Variants in ANKRD17 observed in about 807,000 individuals in gnomAD.
ANKRD17 encodes the protein ankyrin repeat domain-containing protein 17.
ANKRD17 carries 19 observed loss-of-function variants against 229.7 expected under a neutral mutation model. The ratio of observed to expected loss-of-function variants is 0.08; its 90% CI spans 0.06 to 0.12. The LOEUF (loss-of-function observed/expected upper bound fraction) is 0.12. Ranked by LOEUF, ANKRD17 falls within the 10% of genes least tolerant of loss-of-function variation. The pLI, the probability that ANKRD17 is intolerant of heterozygous loss-of-function variation, is 1.00. For synonymous variants in ANKRD17, 1,112 were observed against 1,146.1 expected, an observed-to-expected ratio of 0.97 and a Z score of 0.60; for missense variants, 2,176 against 3,176.8, an observed-to-expected ratio of 0.68 and a Z score of 7.57.
At chr4:73,224,170 G>A (rs72663018) in intron 1 of ANKRD17, among the ~76,000 whole-genome samples, 9 of 152,256 alleles carry the variant, frequency 5.9e-5, no homozygotes, top group Non-Finnish European at 1.0e-4. Context: ...TGAGAATCAC[G>A]TGAACCCGGG....
intron 19 of ANKRD17, 126 bp from the exon 20 acceptor site, chr4:73,121,220 T>C: frequency 1.1e-6 from 1 of 872,056 alleles, no homozygotes; most frequent in Admixed American, 2.1e-5. Flanking sequence ...TCCATTTTTC[T>C]CAACCTTAGT....
chr4:73,099,592 G>A (rs1289944871), intron 25 of ANKRD17, among the ~76,000 whole-genome samples: 1 of 152,210 alleles, frequency 6.6e-6, no homozygotes, highest in Non-Finnish European at 1.5e-5. Flanking sequence ...AGGGGCCCAA[G>A]CCCCATCTCA....
At chr4:73,145,191 T>C (rs1446019410) in intron 10 of ANKRD17, among the ~76,000 whole-genome samples, 3 of 152,190 alleles carry the variant, frequency 2.0e-5, no homozygotes, top group Non-Finnish European at 4.4e-5. Context: ...TACTCTAGCA[T>C]GGCCTTCTCC....
chr4:73,142,870 G>A, intron 11 of ANKRD17, 103 bp from the exon 12 acceptor site: 1 of 1,271,592 alleles, frequency 7.9e-7, no homozygotes, highest in African/African-American at 1.5e-5. Flanking sequence ...GTATTATGAG[G>A]CTCCACATAC....
intron 1 of ANKRD17, among the ~76,000 whole-genome samples, chr4:73,200,502 T>G (rs1738518525): frequency 6.6e-6 from 1 of 151,922 alleles, no homozygotes; most frequent in Non-Finnish European, 1.5e-5. Context: ...TTTTGGGGAG[T>G]GGCCTGGGCA....
intron 27 of ANKRD17, among the ~76,000 whole-genome samples, chr4:73,095,255 C>T (rs1457214410): frequency 2.0e-5 from 3 of 152,058 alleles, no homozygotes; most frequent in African/African-American, 7.2e-5. Context: ...TGAAAACTTT[C>T]TAAAAATCTT....
At position 73,258,708 on chromosome 4, in the gene ANKRD17, T is replaced by G. The variant is rs2149300978; in HGVS notation, c.-40A>C. On this transcript the variant is annotated 5_prime_UTR_variant, in exon 1 of 34. Transcript: ENST00000358602. ...GGAGGGCGCGGACGGGGGAGGGGCG[T>G]GGGGCTACGCTCTACCGCGACTTCG... The G allele has an allele frequency of 7.1e-7, 1 of 1,414,976 alleles. No individual in the cohort carries two copies. The highest frequency in any genetic ancestry group is 9.1e-7 in the Non-Finnish European group (1 of 1,097,222). 87.7% of individuals were successfully genotyped at this position (1,414,976 alleles called of 1,614,324 possible).
At chr4:73,166,773 AG>A (rs1385990076) in intron 2 of ANKRD17, among the ~76,000 whole-genome samples, 3 of 150,966 alleles carry the variant, frequency 2.0e-5, no homozygotes, top group African/African-American at 7.3e-5. Context: ...AAAAAAAAAG[AG>A]GAACTGTTAT....
rs140448764 is a variant in ANKRD17 at position 73,246,515 on chromosome 4, C to A, written c.393+11761G>T. Among the ~76,000 whole-genome samples, 573 of 152,138 alleles carry A rather than the reference C, an allele frequency of 3.8e-3. 3 individuals carry two copies. The highest frequency in any genetic ancestry group is 0.013 in the African/African-American group (544 of 41,488). The stretch of plus-strand genomic sequence containing the variant: ...TTAGGTGTTGGAAGAAAGGTTTGCA[C>A]AAATGGTAGGTGGCCAGAAGGGTGA... On this transcript the variant is annotated intron_variant, in intron 1 of 33. Transcript: ENST00000358602.
chr4:73,160,368 G>A lies in ANKRD17; in HGVS notation c.704+824C>T, dbSNP rs112855235. ...CGAGTAGCGGGGATTGCAGGCGTGC[G>A]CCACCACACCCGGCTAATTTTTGTG... On this transcript the variant is annotated intron_variant, in intron 3 of 33. Transcript: ENST00000358602. Among the ~76,000 whole-genome samples the A allele has an allele frequency of 1.9e-3, 293 of 152,126 alleles. 1 individual carries two copies. Among genetic ancestry groups the A allele is most frequent in the African/African-American group, 6.7e-3 (277 of 41,512 alleles).
chr4:73,126,960 A>G (rs1727557097), intron 16 of ANKRD17, among the ~76,000 whole-genome samples: 1 of 152,204 alleles, frequency 6.6e-6, no homozygotes, highest in Non-Finnish European at 1.5e-5. Flanking sequence ...TGGTTAGTGT[A>G]ACAGAGGAAC....
intron 1 of ANKRD17, among the ~76,000 whole-genome samples, chr4:73,244,801 T>C (rs1378741168): frequency 6.6e-6 from 1 of 152,172 alleles, no homozygotes; most frequent in Non-Finnish European, 1.5e-5. Flanking sequence ...CAAGGAAACA[T>C]CTCAGGCTGG....
At chr4:73,212,348 A>C (rs150685148) in intron 1 of ANKRD17, among the ~76,000 whole-genome samples, 389 of 152,314 alleles carry the variant, frequency 2.6e-3, no homozygotes, top group African/African-American at 9.1e-3. Flanking sequence ...CTGTCAACAT[A>C]ATTCAGCATT....
Position 73,202,373 on chromosome 4 carries a change from T to C in ANKRD17, c.394-24840A>G, listed in dbSNP as rs1036191879. ...GGCACAGAACTGAAGTCTTACTTAG[T>C]TCAGGAGAAAAAGATCAGAGTTTAG... On this transcript the variant is annotated intron_variant, in intron 1 of 33. Transcript: ENST00000358602. 2.2e-5 allele frequency among the ~76,000 whole-genome samples: 3 copies of C among 139,512 alleles called. No homozygotes were observed. In the East Asian group the frequency reaches 6.3e-4, roughly 29 times the overall value. 91.5% of individuals were successfully genotyped at this position (139,512 alleles called of 152,430 possible). A position where few individuals can be genotyped will look rare whatever the true frequency, so the allele number is the denominator to read the frequency against.
In ANKRD17 at chr4:73,085,382, A is replaced by G; in HGVS notation, c.7026T>C (p.Phe2342=). The G allele has an allele frequency of 6.2e-7, 1 of 1,614,182 alleles. No homozygotes were observed. The highest frequency in any genetic ancestry group is 8.5e-7 in the Non-Finnish European group (1 of 1,180,022). Residue 2342 remains phenylalanine, a synonymous_variant, in exon 30 of 34, where the codon TTT becomes TTC. Transcript: ENST00000358602. The part of the protein sequence containing the change: ...VTPSSTHLGN[F]ASNISGGQMY... ...TCTGACCTCCTGAAATGTTTGAAGC[A>G]AAGTTTCCCAAATGTGTTGAAGAAG...
chr4:73,197,050 C>A (rs183862641), intron 1 of ANKRD17, among the ~76,000 whole-genome samples: 1 of 152,150 alleles, frequency 6.6e-6, no homozygotes, highest in African/African-American at 2.4e-5. Flanking sequence ...TCATTCAGAA[C>A]CCAGGACACA....
intron 1 of ANKRD17, among the ~76,000 whole-genome samples, chr4:73,210,226 T>TA (rs1352639383): frequency 2.6e-4 from 40 of 151,514 alleles, no homozygotes; most frequent in African/African-American, 8.2e-4. Context: ...AACAAACAAA[T>TA]AAAAAAAACC....
intron 30 of ANKRD17, among the ~76,000 whole-genome samples, chr4:73,081,400 C>CTTAGGAATA (rs1721548759): frequency 6.6e-6 from 1 of 152,050 alleles, no homozygotes; most frequent in Non-Finnish European, 1.5e-5. Flanking sequence ...AAGTCCTGGA[C>CTTAGGAATA]GGTTTGGAAA....
chr4:73,088,350 G>C (rs1238016118), intron 29 of ANKRD17, among the ~76,000 whole-genome samples: 1 of 152,042 alleles, frequency 6.6e-6, no homozygotes, highest in Non-Finnish European at 1.5e-5. Flanking sequence ...ACCTGAATTA[G>C]GTAATTGACT....
Sources: gnomAD v4.1 joint callset for allele counts (sites outside exome capture counted in the v4.1 genomes callset) on GRCh38, gnomAD v4.1.1 for gene constraint, MANE v1.5 for transcripts, NCBI Gene and HGNC (gene_info 2026-07-23, HGNC 2026-07-21) for gene names.